AASDH: variants seen among roughly 807,000 people sequenced by gnomAD.
AASDH encodes beta-alanine-activating enzyme.
Under a neutral mutation model 102.3 loss-of-function variants are expected in AASDH, and 81 were observed. The observed-to-expected ratio is 0.79, with a 90% CI of 0.66 to 0.95. The LOEUF (loss-of-function observed/expected upper bound fraction) is 0.95, where lower values mean the gene tolerates loss of function less well. Among genes scored for constraint, AASDH ranks in the 40% least tolerant of loss-of-function variants. The pLI, the probability that AASDH is intolerant of heterozygous loss-of-function variation, is 0.00. For synonymous variants in AASDH, 398 were observed against 454.0 expected, an observed-to-expected ratio of 0.88 and a Z score of 1.57; for missense variants, 1,203 against 1,266.2, an observed-to-expected ratio of 0.95 and a Z score of 0.76.
At chr4:56,365,121 A>C (rs1750826129) in intron 5 of AASDH, among the ~76,000 whole-genome samples, 1 of 152,214 alleles carries the variant, frequency 6.6e-6, no homozygotes, top group Non-Finnish European at 1.5e-5. Flanking sequence ...AGAGACAAAG[A>C]AGGCCATTAC....
rs1328284389 is a variant in AASDH at position 56,384,050 on chromosome 4, AC to A, written c.230+19del. 6.3e-7 allele frequency: 1 copy of A among 1,584,240 alleles called. No homozygotes were observed. The highest frequency in any genetic ancestry group is 1.7e-5 in the Admixed American group (1 of 59,818). ...ATTAGCTTGGAGTAACATCAAATTT[AC>A]AGTTCTAAAAAATATTACCCTAAAA... On this transcript the variant is annotated intron_variant, in intron 2 of 14. Coordinates refer to ENST00000205214, the MANE Select transcript of AASDH (RefSeq NM_181806.4).
In AASDH at chr4:56,371,644, C is replaced by T. The variant is rs1334331054; in HGVS notation, c.669-1G>A. 1.9e-6 allele frequency: 3 copies of T among 1,600,676 alleles called. No homozygotes were observed. The highest frequency in any genetic ancestry group is 2.3e-5 in the South Asian group (2 of 88,042). Reference sequence around the variant, plus strand: ...TTCTTGTGTGATGTCAAAAAGTACCCTAAGGCAAAACAGAATGCAGTTATG... The same window carrying T: ...TTCTTGTGTGATGTCAAAAAGTACCTTAAGGCAAAACAGAATGCAGTTATG... On this transcript the variant is annotated splice_acceptor_variant, in intron 4 of 14. Coordinates refer to ENST00000205214, the MANE Select transcript of AASDH (RefSeq NM_181806.4). LOFTEE classifies it high-confidence loss of function.
chr4:56,364,047 T>C (rs758239866), intron 5 of AASDH, among the ~76,000 whole-genome samples: 32 of 152,046 alleles, frequency 2.1e-4, no homozygotes, highest in Admixed American at 1.1e-3. Flanking sequence ...CTGAAAACCA[T>C]GGCACGAGAA....
chr4:56,343,852 C>T (rs1748005392), intron 12 of AASDH, among the ~76,000 whole-genome samples, 168 bp from the exon 13 acceptor site: 1 of 152,046 alleles, frequency 6.6e-6, no homozygotes, highest in Non-Finnish European at 1.5e-5. Context: ...AGGACACTAC[C>T]CAGAGACAAC....
At chr4:56,386,779 G>A (rs1474788004) in intron 1 of AASDH, among the ~76,000 whole-genome samples, 4 of 103,008 alleles carry the variant, frequency 3.9e-5, no homozygotes, top group Non-Finnish European at 6.9e-5. Context: ...CGGCCTGGGC[G>A]ACAGAGCGAG....
intron 3 of AASDH, chr4:56,381,782 GTTCTTCC>G (rs1752997992): frequency 2.6e-5 from 4 of 151,734 alleles, no homozygotes; most frequent in African/African-American, 9.7e-5. Context: ...TTTTTATAAT[GTTCTTCC>G]CCTTTAGTAA....
At chr4:56,386,364 A>C (rs1365978976) in intron 1 of AASDH, among the ~76,000 whole-genome samples, 2 of 152,188 alleles carry the variant, frequency 1.3e-5, no homozygotes, top group Admixed American at 6.5e-5. Context: ...CATTTTCCCA[A>C]TGGTTGCTAC....
chr4:56,338,319 TATAAA>T lies in AASDH; in HGVS notation c.*78_*82del, dbSNP rs1304936166. ...TTAGCCAAAATATAATCTTCTTTAA[TATAAA>T]ATAAGTCCACATGATGTATAATGGT... On this transcript the variant is annotated 3_prime_UTR_variant, in exon 15 of 15. Coordinates refer to ENST00000205214, the MANE Select transcript of AASDH (RefSeq NM_181806.4). 5.6e-6 allele frequency: 8 copies of T among 1,435,982 alleles called. No individual in the cohort carries two copies. The East Asian group carries it at 1.2e-4, about 21-fold the overall frequency. The allele number at this position is 1,435,982 out of a possible 1,614,324, so 89.0% of individuals were successfully genotyped here.
Position 56,349,129 on chromosome 4 carries a change from C to T in AASDH, c.2488+134G>A, listed in dbSNP as rs996694962. ...CCAAGGCCCACAATATTAATCAGCA[C>T]AGGGTTAACTATAATTTTTGGACAG... On this transcript the variant is annotated intron_variant, in intron 11 of 14. Coordinates refer to ENST00000205214, the MANE Select transcript of AASDH (RefSeq NM_181806.4). 8.6e-6 allele frequency: 8 copies of T among 933,046 alleles called. No individual in the cohort carries two copies. In the South Asian group the frequency reaches 1.4e-4, roughly 16 times the overall value. The allele number at this position is 933,046 out of a possible 1,614,324, so 57.8% of individuals were successfully genotyped here.
In AASDH at chr4:56,338,507, A is replaced by T. The variant is rs1221113572; in HGVS notation, c.3192T>A (p.Pro1064=). ...SGQLQSVYEL[P]GEVFSSPVVL... is the part of the protein sequence containing the mutation. ...CCACAGGAGAAGAGAAGACTTCTCC[A>T]GGAAGTTCATAAACACTTTGCAATT... Residue 1064 remains proline (P), a synonymous_variant, in exon 15 of 15, where the codon CCT becomes CCA. Transcript: ENST00000205214. 3.1e-6 allele frequency: 5 copies of T among 1,614,032 alleles called. No individual in the cohort carries two copies.
At chr4:56,384,403 G>A in intron 1 of AASDH, 62 bp from the exon 2 acceptor site, 6 of 785,682 alleles carry the variant, frequency 7.6e-6, no homozygotes, top group Admixed American at 2.5e-5. Context: ...GGAGGGACAG[G>A]GAAAAACTTC....
intron 5 of AASDH, among the ~76,000 whole-genome samples, chr4:56,363,619 A>G (rs570009675): frequency 3.9e-5 from 6 of 152,334 alleles, no homozygotes; most frequent in African/African-American, 1.4e-4. Flanking sequence ...CAGGGTCTGG[A>G]GTGGACCTCC....
At chr4:56,363,935 G>A (rs1206378097) in intron 5 of AASDH, among the ~76,000 whole-genome samples, 7 of 152,052 alleles carry the variant, frequency 4.6e-5, no homozygotes, top group African/African-American at 1.7e-4. Flanking sequence ...AGCTAAAGGA[G>A]GAAGTTCGAA....
chr4:56,347,925 G>A (rs980574772), intron 11 of AASDH, among the ~76,000 whole-genome samples: 2 of 152,114 alleles, frequency 1.3e-5, no homozygotes, highest in East Asian at 3.9e-4. Flanking sequence ...CACCGAGGCA[G>A]GTGGATCACA....
At chr4:56,342,564 G>A (rs1747828405) in intron 14 of AASDH, among the ~76,000 whole-genome samples, 1 of 151,958 alleles carries the variant, frequency 6.6e-6, no homozygotes, top group African/African-American at 2.4e-5. Flanking sequence ...CAATGTTTGG[G>A]TAGAAATCTT....
chr4:56,383,014 G>A (rs949125536), intron 2 of AASDH, among the ~76,000 whole-genome samples: 1 of 152,158 alleles, frequency 6.6e-6, no homozygotes. Context: ...CCGAGATCAC[G>A]CCGTTGCACT....
Position 56,338,645 on chromosome 4 carries a change from T to A in AASDH, c.3054A>T (p.Ser1018=). ...AAGCAAACGGTGTTGCATAGACCCTTGAAGTAGTTTCAAATTTCCACTGCA... is the reference window on the plus strand; with the variant it reads ...AAGCAAACGGTGTTGCATAGACCCTAGAAGTAGTTTCAAATTTCCACTGCA... ...GHLQWKFETT[S]RVYATPFAFH... The change falls in exon 15 of 15, where the codon TCA becomes TCT. Residue 1018 remains serine, a synonymous_variant. Transcript: ENST00000205214. The A allele has an allele frequency of 1.2e-6, 2 of 1,614,174 alleles. No individual in the cohort carries two copies. Among genetic ancestry groups the A allele is most frequent in the Non-Finnish European group, 1.7e-6 (2 of 1,180,028 alleles).
intron 5 of AASDH, chr4:56,356,014 T>C (rs2109902965): frequency 2.0e-6 from 1 of 493,158 alleles, no homozygotes; most frequent in East Asian, 3.2e-5. Context: ...CACAAAAAGG[T>C]TTAGGATAAA....
intron 5 of AASDH, among the ~76,000 whole-genome samples, chr4:56,369,668 T>G (rs775775029): frequency 2.0e-5 from 3 of 152,180 alleles, no homozygotes; most frequent in Non-Finnish European, 2.9e-5. Flanking sequence ...GGCTCACACC[T>G]GAAATCCCAG....
Sources: allele counts gnomAD v4.1 joint callset (sites outside exome capture counted in the v4.1 genomes callset), GRCh38; gene constraint gnomAD v4.1.1; transcripts MANE v1.5; gene names NCBI Gene and HGNC (gene_info 2026-07-23, HGNC 2026-07-21).